ARHGEF10L: variants seen among roughly 807,000 people sequenced by gnomAD.
ARHGEF10L encodes the protein Rho guanine nucleotide exchange factor 10 like.
Under a neutral mutation model 141.2 loss-of-function variants are expected in ARHGEF10L, and 69 were observed. The ratio of observed to expected loss-of-function variants is 0.49; its 90% CI spans 0.40 to 0.60. The LOEUF is 0.60. Among genes scored for constraint, ARHGEF10L ranks in the 20% least tolerant of loss-of-function variants. The pLI, the probability that ARHGEF10L is intolerant of heterozygous loss-of-function variation, is 0.00. For missense variants in ARHGEF10L, 1,482 were observed against 1,734.3 expected (o/e 0.85, Z 2.58); for synonymous variants, 711 against 718.5 (o/e 0.99, Z 0.17).
intron 26 of ARHGEF10L, among the ~76,000 whole-genome samples, chr1:17,686,705 A>G (rs987491136): frequency 6.6e-6 from 1 of 152,214 alleles, no homozygotes; most frequent in Admixed American, 6.5e-5. Flanking sequence ...AAGGAAGGGC[A>G]GGAGTGGGGG....
At chr1:17,622,922 C>T (rs889008905) in intron 11 of ARHGEF10L, 74 bp from the exon 12 acceptor site, 48 of 1,500,898 alleles carry the variant, frequency 3.2e-5, no homozygotes, top group East Asian at 4.6e-5. Flanking sequence ...CATGGCTGGC[C>T]GAGTTCTGCA....
At chr1:17,581,408 C>T (rs1448754138) in intron 2 of ARHGEF10L, among the ~76,000 whole-genome samples, 2 of 151,948 alleles carry the variant, frequency 1.3e-5, no homozygotes. Context: ...AGTCTGTGTC[C>T]TGTATGTTAT....
chr1:17,622,291 A>G (rs1463887247), intron 11 of ARHGEF10L, among the ~76,000 whole-genome samples: 1 of 152,052 alleles, frequency 6.6e-6, no homozygotes, highest in African/African-American at 2.4e-5. Context: ...TGGGATCCTT[A>G]GTTGGGAAGA....
intron 21 of ARHGEF10L, among the ~76,000 whole-genome samples, chr1:17,646,770 G>C (rs11579272): frequency 0.12 from 17,588 of 151,850 alleles, 1,166 homozygotes; most frequent in Non-Finnish European, 0.13. Context: ...GAGGGGCAGC[G>C]TTCCGGACAG....
At chr1:17,659,112 G>T (rs960244318) in intron 25 of ARHGEF10L, among the ~76,000 whole-genome samples, 1 of 152,228 alleles carries the variant, frequency 6.6e-6, no homozygotes, top group Non-Finnish European at 1.5e-5. Context: ...GCATGTTAGA[G>T]GTGGCCAAGC....
chr1:17,570,095 C>T (rs1016750752), intron 1 of ARHGEF10L, among the ~76,000 whole-genome samples: 1 of 152,166 alleles, frequency 6.6e-6, no homozygotes, highest in Non-Finnish European at 1.5e-5. Context: ...CCCCAGGGGC[C>T]CGACTTGGGA....
At position 17,635,163 on chromosome 1, in the gene ARHGEF10L, G is replaced by A. The variant is rs540807442; in HGVS notation, c.1927+147G>A. The A allele has an allele frequency of 8.0e-6, 8 of 996,834 alleles. No individual in the cohort carries two copies. The African/African-American group carries it at 8.2e-5, about 10-fold the overall frequency. The allele number at this position is 996,834 out of a possible 1,614,324, so 61.7% of individuals were successfully genotyped here. A position where few individuals can be genotyped will look rare whatever the true frequency, so the allele number is the denominator to read the frequency against. ...TGGCCAGGAAGCTCTTGCTGGTTTT[G>A]CAGCCCCACCCTGGACCTTAATGCA... On this transcript the variant is annotated intron_variant, in intron 18 of 28. Coordinates refer to ENST00000361221, the MANE Select transcript of ARHGEF10L (RefSeq NM_018125.4).
At chr1:17,545,687 G>A (rs1016680611) in intron 1 of ARHGEF10L, among the ~76,000 whole-genome samples, 1 of 152,172 alleles carries the variant, frequency 6.6e-6, no homozygotes, top group Non-Finnish European at 1.5e-5. Flanking sequence ...AGGCAACAGT[G>A]GGCATGACCT....
At position 17,640,768 on chromosome 1, in the gene ARHGEF10L, G is replaced by GAAA. The variant is rs2061284703; in HGVS notation, c.2272+469_2272+471dup. On this transcript the variant is annotated intron_variant, in intron 21 of 28. Transcript: ENST00000361221. ...TGTATCTCAATAAAGCTGTTACCCA[G>GAAA]AAAAATGATGCAGGTTGGACTATAC... Among the ~76,000 whole-genome samples the GAAA allele has an allele frequency of 2.0e-5, 3 of 152,324 alleles. No individual in the cohort carries two copies. In the South Asian group the frequency reaches 6.2e-4, roughly 32 times the overall value.
chr1:17,583,900 G>A lies in ARHGEF10L; in HGVS notation c.37+3268G>A, dbSNP rs186841402. Reference sequence around the variant, plus strand: ...AGGATTTTGCTCTGTTACCCAGGCTGGAGTACAATGGTGTGATCATGGCTC... The same window carrying A: ...AGGATTTTGCTCTGTTACCCAGGCTAGAGTACAATGGTGTGATCATGGCTC... On this transcript the variant is annotated intron_variant, in intron 2 of 28. Coordinates refer to ENST00000361221, the MANE Select transcript of ARHGEF10L (RefSeq NM_018125.4). 3.2e-3 allele frequency among the ~76,000 whole-genome samples: 481 copies of A among 152,248 alleles called. 3 individuals carry two copies. Among genetic ancestry groups the A allele is most frequent in the African/African-American group, 0.011 (457 of 41,518 alleles).
chr1:17,515,428 G>A, the ARHGEF10L span, among the ~76,000 whole-genome samples: 1 of 151,746 alleles, frequency 6.6e-6, no homozygotes, highest in Admixed American at 6.6e-5. Context: ...GGAGTAGCTG[G>A]GATTATAGGC....
chr1:17,544,599 A>T (rs1015121038), intron 1 of ARHGEF10L, among the ~76,000 whole-genome samples: 3 of 152,110 alleles, frequency 2.0e-5, no homozygotes, highest in African/African-American at 7.2e-5. Flanking sequence ...CCAGCCTGTA[A>T]ATTATATTTT....
intron 23 of ARHGEF10L, among the ~76,000 whole-genome samples, chr1:17,655,316 A>G (rs1181257692): frequency 6.6e-6 from 1 of 151,750 alleles, no homozygotes; most frequent in Non-Finnish European, 1.5e-5. Flanking sequence ...CTACCTATCC[A>G]TTTATCCATC....
Position 17,603,513 on chromosome 1 carries a change from C to G in ARHGEF10L, c.355C>G (p.Arg119Gly), listed in dbSNP as rs376889863. 1 of 1,613,280 alleles carries G rather than the reference C, an allele frequency of 6.2e-7. No individual in the cohort carries two copies. The highest frequency in any genetic ancestry group is 1.7e-5 in the Admixed American group (1 of 59,946). ...TCTCCCCACTTCCCTCCCAGTTGAC[C>G]GGTTCACTTTCCCCGCCCTGGAAGA... is the stretch of plus-strand genomic sequence containing the variant. ...WKRKSSRRID[R>G]FTFPALEEDV... is the part of the protein sequence containing the mutation. Residue 119 changes from arginine (R) to glycine (G), a missense_variant, in exon 6 of 29, where the codon CGG becomes GGG. Transcript: ENST00000361221. This position sits in a 1 kb window ranked among gnomAD's most constrained non-coding sequence, Gnocchi z 4.8.
the ARHGEF10L span, among the ~76,000 whole-genome samples, chr1:17,534,038 T>C: frequency 7.9e-5 from 12 of 152,152 alleles, no homozygotes; most frequent in South Asian, 2.3e-3. Flanking sequence ...CTTGGCTCAC[T>C]GCAACCTCTG....
chr1:17,535,302 G>A (rs2100556925), upstream of ARHGEF10L, among the ~76,000 whole-genome samples: 1 of 152,308 alleles, frequency 6.6e-6, no homozygotes, highest in Non-Finnish European at 1.5e-5. Flanking sequence ...GAGCTCAGGT[G>A]GTAATGTGAG....
chr1:17,541,407 A>G (rs1016035001), intron 1 of ARHGEF10L, among the ~76,000 whole-genome samples: 2 of 152,242 alleles, frequency 1.3e-5, no homozygotes, highest in Non-Finnish European at 2.9e-5. Context: ...TGGGTGCTCT[A>G]CACATAGTTG....
chr1:17,657,010 C>G (rs906157967), intron 25 of ARHGEF10L, among the ~76,000 whole-genome samples: 29 of 152,130 alleles, frequency 1.9e-4, no homozygotes, highest in African/African-American at 4.8e-4. Flanking sequence ...AGGCTTTGCC[C>G]GATGACAGCT....
Position 17,555,391 on chromosome 1 carries a change from C to G in ARHGEF10L, c.-44+15441C>G, listed in dbSNP as rs1253221908. Among the ~76,000 whole-genome samples, 4 of 148,108 alleles carry G rather than the reference C, an allele frequency of 2.7e-5. No individual in the cohort carries two copies. In the South Asian group the frequency reaches 8.5e-4, roughly 31 times the overall value. ...TACTTTTTTTTTTTTTTGAGATAGT[C>G]TTGCTCTGTCTCCTAGGTTGGAGTG... On this transcript the variant is annotated intron_variant, in intron 1 of 28. Coordinates refer to ENST00000361221, the MANE Select transcript of ARHGEF10L (RefSeq NM_018125.4).
Sources: allele counts gnomAD v4.1 joint callset (sites outside exome capture counted in the v4.1 genomes callset), GRCh38; gene constraint gnomAD v4.1.1; non-coding constraint Gnocchi (gnomAD v3.1); transcripts MANE v1.5; gene names NCBI Gene and HGNC (gene_info 2026-07-23, HGNC 2026-07-21).